RAP1GDS1: variants seen among roughly 807,000 people sequenced by gnomAD.
The protein encoded by RAP1GDS1 is RAP1, GTP-GDP dissociation stimulator 1.
RAP1GDS1 carries 35 observed loss-of-function variants against 71.1 expected under a neutral mutation model. The observed-to-expected ratio is 0.49, with a 90% CI of 0.38 to 0.65. The LOEUF (loss-of-function observed/expected upper bound fraction) is 0.65, where lower values mean the gene tolerates loss of function less well. Among genes scored for constraint, RAP1GDS1 ranks in the 30% least tolerant of loss-of-function variants. The pLI is 0.00. For missense variants in RAP1GDS1, 663 were observed against 706.1 expected (o/e 0.94, Z 0.69); for synonymous variants, 229 against 243.1 (o/e 0.94, Z 0.54).
In RAP1GDS1 at chr4:98,437,075, A is replaced by G; in HGVS notation, c.1696+7A>G. The G allele has an allele frequency of 6.3e-7, 1 of 1,583,250 alleles. No individual in the cohort carries two copies. The highest frequency in any genetic ancestry group is 8.5e-7 in the Non-Finnish European group (1 of 1,170,064). ...TGTGCTCTTATGGGATCTGGTAAGT[A>G]TTCTTCTATCATTTGATGTCCATAA... On this transcript the variant is annotated splice_region_variant and intron_variant, in intron 14 of 14. Coordinates refer to ENST00000408927, the MANE Select transcript of RAP1GDS1 (RefSeq NM_001100427.2).
chr4:98,296,160 T>C (rs1224456445), intron 2 of RAP1GDS1, among the ~76,000 whole-genome samples: 1 of 152,088 alleles, frequency 6.6e-6, no homozygotes, highest in East Asian at 1.9e-4. Context: ...GAAAGAAAGA[T>C]TTCTCCATTC....
intron 4 of RAP1GDS1, among the ~76,000 whole-genome samples, chr4:98,367,740 C>A (rs1201392054): frequency 6.6e-6 from 1 of 152,226 alleles, no homozygotes; most frequent in Non-Finnish European, 1.5e-5. Context: ...TTCAGACTTG[C>A]ATGCAGCCTG....
At position 98,290,423 on chromosome 4, in the gene RAP1GDS1, T is replaced by C. The variant is rs535588992; in HGVS notation, c.5-2985T>C. On this transcript the variant is annotated intron_variant, in intron 1 of 14. Transcript: ENST00000408927. Reference sequence around the variant, plus strand: ...GATCTTAAGTACTTTTATGGTCAAATTATTTAAATATTAAAACAGCATCAC... The same window carrying C: ...GATCTTAAGTACTTTTATGGTCAAACTATTTAAATATTAAAACAGCATCAC... Among the ~76,000 whole-genome samples the C allele has an allele frequency of 2.0e-5, 3 of 152,244 alleles. No homozygotes were observed. The East Asian group carries it at 5.8e-4, about 29-fold the overall frequency.
chr4:98,363,478 CAAAAAAAAAA>C (rs34393905), intron 4 of RAP1GDS1, among the ~76,000 whole-genome samples: 12 of 37,728 alleles, frequency 3.2e-4, no homozygotes, highest in Middle Eastern at 0.014. Context: ...GACCCTGTCT[CAAAAAAAAAA>C]AAAAAAAAAA....
chr4:98,441,302 A>T (rs1237133330), intron 14 of RAP1GDS1: 4 of 963,792 alleles, frequency 4.2e-6, no homozygotes, highest in Non-Finnish European at 4.9e-6. Context: ...CAGGAATCCT[A>T]TATTTTCTTG....
At chr4:98,432,712 A>G (rs1750601627) in intron 12 of RAP1GDS1, among the ~76,000 whole-genome samples, 1 of 152,198 alleles carries the variant, frequency 6.6e-6, no homozygotes, top group Admixed American at 6.5e-5. Context: ...ATTAATTTTG[A>G]AGCTGACTCA....
At chr4:98,310,403 G>T (rs375892829) in intron 2 of RAP1GDS1, among the ~76,000 whole-genome samples, 1 of 152,032 alleles carries the variant, frequency 6.6e-6, no homozygotes, top group Non-Finnish European at 1.5e-5. Context: ...TACCTAGTGG[G>T]ACTACATATT....
intron 1 of RAP1GDS1, among the ~76,000 whole-genome samples, chr4:98,262,152 G>A (rs922543027): frequency 1.3e-5 from 2 of 152,250 alleles, no homozygotes; most frequent in African/African-American, 4.8e-5. Flanking sequence ...AGGATGACTT[G>A]TCAGAGGCCA....
rs570683303 is a variant in RAP1GDS1 at position 98,364,151 on chromosome 4, T to G, written c.361+11550T>G. The stretch of plus-strand genomic sequence containing the variant: ...TCTATATCTTTATATTCTTTTACCT[T>G]TGGGGAATAAATATTCAAAAAGTTA... On this transcript the variant is annotated intron_variant, in intron 4 of 14. Transcript: ENST00000408927. Among the ~76,000 whole-genome samples, 252 of 152,264 alleles carry G rather than the reference T, an allele frequency of 1.7e-3. 1 individual carries two copies. The highest frequency in any genetic ancestry group is 5.7e-3 in the African/African-American group (238 of 41,562).
intron 10 of RAP1GDS1, 128 bp downstream of exon 10, chr4:98,418,919 G>T (rs1578817659): frequency 1.0e-6 from 1 of 992,882 alleles, no homozygotes; most frequent in East Asian, 3.1e-5. Context: ...TCTTCACATT[G>T]TTCACATTTT....
chr4:98,383,114 G>A (rs895189022), intron 5 of RAP1GDS1, among the ~76,000 whole-genome samples: 2 of 151,658 alleles, frequency 1.3e-5, no homozygotes, highest in African/African-American at 4.8e-5. Context: ...ATTGTTGTAA[G>A]TAGATGTAAT....
intron 12 of RAP1GDS1, among the ~76,000 whole-genome samples, chr4:98,423,254 T>C (rs1749135533): frequency 6.6e-6 from 1 of 152,064 alleles, no homozygotes; most frequent in Admixed American, 6.5e-5. Flanking sequence ...GGAAAGAGAA[T>C]GAAGGAAAGG....
At chr4:98,441,639 T>C in intron 14 of RAP1GDS1, 2 of 979,732 alleles carry the variant, frequency 2.0e-6, no homozygotes, top group Non-Finnish European at 2.4e-6. Context: ...CAGTGGCTCA[T>C]GACTGTCATC....
At chr4:98,274,687 A>G (rs1278372656) in intron 1 of RAP1GDS1, among the ~76,000 whole-genome samples, 2 of 152,094 alleles carry the variant, frequency 1.3e-5, no homozygotes, top group African/African-American at 4.8e-5. Flanking sequence ...TATTTTATGG[A>G]GACTCTTCAT....
At position 98,304,104 on chromosome 4, in the gene RAP1GDS1, C is replaced by T. The variant is rs542493588; in HGVS notation, c.112+10589C>T. 3.3e-4 allele frequency among the ~76,000 whole-genome samples: 50 copies of T among 152,230 alleles called. No homozygotes were observed. In the South Asian group the frequency reaches 9.3e-3, roughly 28 times the overall value. On this transcript the variant is annotated intron_variant, in intron 2 of 14. Coordinates refer to ENST00000408927, the MANE Select transcript of RAP1GDS1 (RefSeq NM_001100427.2). The stretch of plus-strand genomic sequence containing the variant: ...ACATTTCCAGTCTATCATTGATGGG[C>T]ATTTGGGTTGGTTCCATGTCTTTGC...
intron 4 of RAP1GDS1, among the ~76,000 whole-genome samples, chr4:98,373,228 T>C (rs1251040829): frequency 2.0e-5 from 3 of 152,238 alleles, no homozygotes; most frequent in Non-Finnish European, 2.9e-5. Flanking sequence ...ATATTTTCAC[T>C]GGGTGTAGAA....
At chr4:98,394,178 T>G (rs1424225813) in intron 6 of RAP1GDS1, among the ~76,000 whole-genome samples, 1 of 152,214 alleles carries the variant, frequency 6.6e-6, no homozygotes, top group Non-Finnish European at 1.5e-5. Context: ...AGTTGTTTGC[T>G]GAGGAGTATT....
chr4:98,349,557 C>T (rs1197081323), intron 3 of RAP1GDS1, among the ~76,000 whole-genome samples: 1 of 152,126 alleles, frequency 6.6e-6, no homozygotes, highest in Non-Finnish European at 1.5e-5. Flanking sequence ...TTACTTTGGG[C>T]AGTATGGCCA....
intron 5 of RAP1GDS1, among the ~76,000 whole-genome samples, chr4:98,386,055 TAAA>T (rs146647509): frequency 7.0e-6 from 1 of 143,646 alleles, no homozygotes; most frequent in African/African-American, 2.5e-5. Context: ...TAGTCCTCTT[TAAA>T]AAAAAAAAAG....
Sources: gnomAD v4.1 joint callset for allele counts (sites outside exome capture counted in the v4.1 genomes callset) on GRCh38, gnomAD v4.1.1 for gene constraint, MANE v1.5 for transcripts, NCBI Gene and HGNC (gene_info 2026-07-23, HGNC 2026-07-21) for gene names.